The following PCSK5 variants were observed in gnomAD, a reference collection of about 807,000 sequenced individuals.
PCSK5 encodes prohormone convertase 5.
In PCSK5, 129 loss-of-function variants were observed where a neutral mutation model predicts 233.2. That is an observed-to-expected ratio of 0.55 (90% CI 0.48 to 0.64). PCSK5 has a LOEUF of 0.64. Among genes scored for constraint, PCSK5 ranks in the 30% least tolerant of loss-of-function variants. The pLI is 0.00. For missense variants in PCSK5, 2,076 were observed against 2,430.1 expected, an observed-to-expected ratio of 0.85 and a Z score of 3.06; for synonymous variants, 825 against 879.2, an observed-to-expected ratio of 0.94 and a Z score of 1.09.
intron 10 of PCSK5, among the ~76,000 whole-genome samples, chr9:76,145,377 G>A (rs996357063): frequency 6.6e-6 from 1 of 152,098 alleles, no homozygotes; most frequent in African/African-American, 2.4e-5. Flanking sequence ...TGTAAACATT[G>A]GCATATGTTG....
intron 3 of PCSK5, among the ~76,000 whole-genome samples, chr9:75,987,929 A>G (rs1246257214): frequency 6.6e-6 from 1 of 152,230 alleles, no homozygotes; most frequent in Non-Finnish European, 1.5e-5. Context: ...CTGTCTATGC[A>G]TGATCCACTG....
chr9:76,279,833 G>C (rs1283481838), intron 24 of PCSK5, among the ~76,000 whole-genome samples: 1 of 151,198 alleles, frequency 6.6e-6, no homozygotes, highest in Admixed American at 6.6e-5. Context: ...AGATGAGTAG[G>C]TTGCGAAAAT....
At chr9:76,020,524 AT>A (rs1319632392) in intron 3 of PCSK5, among the ~76,000 whole-genome samples, 1 of 152,140 alleles carries the variant, frequency 6.6e-6, no homozygotes, top group Non-Finnish European at 1.5e-5. Context: ...TGTCATCTGT[AT>A]TTTGGTGGCT....
At chr9:75,902,324 C>T (rs1047521242) in intron 1 of PCSK5, among the ~76,000 whole-genome samples, 3 of 146,052 alleles carry the variant, frequency 2.1e-5, no homozygotes, top group Non-Finnish European at 1.5e-5. Flanking sequence ...AGGAGGCAAA[C>T]AGTTCTTGAA....
chr9:76,287,381 TC>T (rs1276404019), intron 24 of PCSK5: 1 of 187,530 alleles, frequency 5.3e-6, no homozygotes, highest in Non-Finnish European at 1.3e-5. Flanking sequence ...TGTCTTCCAT[TC>T]GAGTTAGAAA....
At chr9:75,974,295 C>G (rs1189285898) in intron 2 of PCSK5, among the ~76,000 whole-genome samples, 6 of 152,154 alleles carry the variant, frequency 3.9e-5, no homozygotes. Flanking sequence ...ATTCATCAGG[C>G]CTTCTTCCAG....
At chr9:76,143,157 T>C (rs566600430) in intron 10 of PCSK5, among the ~76,000 whole-genome samples, 1 of 152,214 alleles carries the variant, frequency 6.6e-6, no homozygotes, top group Admixed American at 6.5e-5. Context: ...TTTCTTTTAG[T>C]TTAAACAAAT....
intron 1 of PCSK5, among the ~76,000 whole-genome samples, chr9:75,913,045 G>A (rs1762525478): frequency 6.6e-6 from 1 of 152,170 alleles, no homozygotes; most frequent in Non-Finnish European, 1.5e-5. Flanking sequence ...CTGACTACTT[G>A]TTTCAAACAA....
intron 20 of PCSK5, among the ~76,000 whole-genome samples, chr9:76,217,575 G>A (rs543082238): frequency 9.2e-5 from 14 of 152,326 alleles, no homozygotes; most frequent in Admixed American, 3.3e-4. Flanking sequence ...GCCAAGACAG[G>A]GCTGAGGTTC....
intron 35 of PCSK5, among the ~76,000 whole-genome samples, chr9:76,338,828 GA>G (rs1359511884): frequency 2.0e-5 from 3 of 152,022 alleles, no homozygotes; most frequent in Admixed American, 2.0e-4. Context: ...CTCTTTTACA[GA>G]AATCTAGTTG....
intron 12 of PCSK5, among the ~76,000 whole-genome samples, chr9:76,163,106 G>A (rs924570701): frequency 9.2e-5 from 14 of 152,186 alleles, no homozygotes; most frequent in African/African-American, 2.7e-4. Context: ...CAAAATATAC[G>A]TCCTATCTGG....
chr9:76,127,803 C>T (rs1822574021), intron 9 of PCSK5, among the ~76,000 whole-genome samples: 1 of 152,104 alleles, frequency 6.6e-6, no homozygotes, highest in Non-Finnish European at 1.5e-5. Flanking sequence ...TCTTTATTTC[C>T]ATTACCTCAA....
chr9:76,263,354 A>G (rs183761343), intron 24 of PCSK5, among the ~76,000 whole-genome samples: 3 of 152,310 alleles, frequency 2.0e-5, no homozygotes, highest in African/African-American at 7.2e-5. Flanking sequence ...CTCTATTCAC[A>G]ATAGCAAAGA....
chr9:75,987,731 G>GA (rs1826582785), intron 3 of PCSK5, among the ~76,000 whole-genome samples: 1 of 152,184 alleles, frequency 6.6e-6, no homozygotes, highest in Admixed American at 6.5e-5. Context: ...CGCAAAGAGT[G>GA]AACCCCAAGG....
intron 10 of PCSK5, among the ~76,000 whole-genome samples, chr9:76,143,565 G>GAA (rs2131776337): frequency 1.4e-5 from 1 of 69,692 alleles, no homozygotes; most frequent in South Asian, 4.9e-4. Flanking sequence ...TGGTTGAAAT[G>GAA]AAATTGTCTT....
intron 5 of PCSK5, among the ~76,000 whole-genome samples, chr9:76,051,738 TG>T (rs1325625627): frequency 1.3e-5 from 2 of 152,186 alleles, no homozygotes; most frequent in African/African-American, 4.8e-5. Context: ...TCAGCAAGAA[TG>T]ACTACTTTCT....
chr9:76,208,137 C>A (rs1212174516), intron 20 of PCSK5, among the ~76,000 whole-genome samples: 1 of 152,150 alleles, frequency 6.6e-6, no homozygotes, highest in African/African-American at 2.4e-5. Context: ...GCCCCCATGA[C>A]TTAATCACCT....
At chr9:76,068,990 A>G (rs1052784694) in intron 6 of PCSK5, among the ~76,000 whole-genome samples, 1 of 152,222 alleles carries the variant, frequency 6.6e-6, no homozygotes, top group African/African-American at 2.4e-5. Flanking sequence ...CTAACATGAA[A>G]TATTTAAGGT....
intron 24 of PCSK5, among the ~76,000 whole-genome samples, chr9:76,261,372 C>T (rs1332516496): frequency 1.3e-5 from 2 of 152,156 alleles, no homozygotes; most frequent in African/African-American, 4.8e-5. Flanking sequence ...CCTAGAAAAC[C>T]CTAAAGACAC....
Sources: gnomAD v4.1 joint callset for allele counts (sites outside exome capture counted in the v4.1 genomes callset) on GRCh38, gnomAD v4.1.1 for gene constraint, MANE v1.5 for transcripts, NCBI Gene and HGNC (gene_info 2026-07-23, HGNC 2026-07-21) for gene names.